CTNND2: variants seen among roughly 807,000 people sequenced by gnomAD.
CTNND2 encodes catenin delta-2.
A neutral mutation model predicts 144.4 loss-of-function variants in CTNND2; 22 were observed. The observed-to-expected ratio is 0.15, with a 90% CI of 0.11 to 0.22. CTNND2 has a LOEUF of 0.22. CTNND2 is among the 10% of genes least tolerant of loss of function. CTNND2 has a pLI of 1.00. For synonymous variants in CTNND2, 751 were observed against 695.6 expected (o/e 1.08, Z -1.25); for missense variants, 1,353 against 1,618.8 (o/e 0.84, Z 2.82).
chr5:11,303,295 C>CT (rs1749805488), intron 9 of CTNND2, among the ~76,000 whole-genome samples: 1 of 152,196 alleles, frequency 6.6e-6, no homozygotes, highest in Admixed American at 6.5e-5. Context: ...TTATTCATTT[C>CT]TGTCAGTACA....
At chr5:11,162,658 A>T (rs1258261487) in intron 11 of CTNND2, among the ~76,000 whole-genome samples, 1 of 151,926 alleles carries the variant, frequency 6.6e-6, no homozygotes, top group Non-Finnish European at 1.5e-5. Context: ...TCACCTCTTG[A>T]TGAAGTCTTG....
chr5:10,973,118 T>C lies in CTNND2; in HGVS notation c.*335A>G, dbSNP rs969217059. ...CTATTCTGTGTCTTGTGCTTAACGA[T>C]AACCCTTACGCCCCACCGGCCCGAA... On this transcript the variant is annotated 3_prime_UTR_variant, in exon 22 of 22. Coordinates refer to ENST00000304623, the MANE Select transcript of CTNND2 (RefSeq NM_001332.4). This position sits in a 1 kb window ranked among gnomAD's most constrained non-coding sequence, Gnocchi z 5.6. The C allele has an allele frequency of 4.9e-6, 1 of 204,964 alleles. No homozygotes were observed. Among genetic ancestry groups the C allele is most frequent in the African/African-American group, 2.3e-5 (1 of 43,402 alleles). The allele number at this position is 204,964 out of a possible 1,614,324, so 12.7% of individuals were successfully genotyped here.
At chr5:11,495,675 C>G (rs572796426) in intron 3 of CTNND2, among the ~76,000 whole-genome samples, 2 of 152,160 alleles carry the variant, frequency 1.3e-5, no homozygotes, top group East Asian at 1.9e-4. Flanking sequence ...CTTCCATCAA[C>G]GACTCTTCTT....
chr5:11,751,784 C>T lies in CTNND2; in HGVS notation c.38-19512G>A, dbSNP rs115754489. Among the ~76,000 whole-genome samples, 601 of 151,956 alleles carry T rather than the reference C, an allele frequency of 4.0e-3. 4 individuals are homozygous for T. Among genetic ancestry groups the T allele is most frequent in the African/African-American group, 0.013 (560 of 41,508 alleles). On this transcript the variant is annotated intron_variant, in intron 1 of 21. Transcript: ENST00000304623. ...TTCTGCTTTAACTTCTTTGGGAAAT[C>T]GCCACACTGCTTACTACAATGGCTG...
At chr5:11,863,390 G>C (rs1795593696) in intron 1 of CTNND2, among the ~76,000 whole-genome samples, 1 of 152,078 alleles carries the variant, frequency 6.6e-6, no homozygotes, top group South Asian at 2.1e-4. Context: ...ATCACACCAG[G>C]ACCTCATGCA....
At chr5:11,887,703 C>T (rs183682096) in intron 1 of CTNND2, among the ~76,000 whole-genome samples, 1 of 152,210 alleles carries the variant, frequency 6.6e-6, no homozygotes, top group African/African-American at 2.4e-5. Context: ...CCCTAAAGTT[C>T]TTTTACTATT....
At position 11,802,427 on chromosome 5, in the gene CTNND2, C is replaced by T. The variant is rs191053849; in HGVS notation, c.38-70155G>A. ...TACTAAAAGTGCAAAATTAGCTGGG[C>T]GTGGTGGCGCATGCCTGTAATCCCA... On this transcript the variant is annotated intron_variant, in intron 1 of 21. Coordinates refer to ENST00000304623, the MANE Select transcript of CTNND2 (RefSeq NM_001332.4). Among the ~76,000 whole-genome samples the T allele has an allele frequency of 6.7e-3, 972 of 145,796 alleles. 18 individuals carry two copies. The highest frequency in any genetic ancestry group is 0.023 in the African/African-American group (919 of 39,210).
intron 3 of CTNND2, among the ~76,000 whole-genome samples, chr5:11,436,423 A>G (rs898348689): frequency 2.0e-5 from 3 of 152,196 alleles, no homozygotes; most frequent in African/African-American, 4.8e-5. Context: ...TACAAATTCA[A>G]TGTGATATTG....
chr5:11,281,303 G>A (rs1026789015), intron 9 of CTNND2, among the ~76,000 whole-genome samples: 3 of 152,122 alleles, frequency 2.0e-5, no homozygotes, highest in African/African-American at 7.2e-5. Context: ...CTACGTTTCT[G>A]GAAATGTTCA....
chr5:11,338,297 T>C (rs545615458), intron 9 of CTNND2, among the ~76,000 whole-genome samples: 1 of 152,296 alleles, frequency 6.6e-6, no homozygotes, highest in African/African-American at 2.4e-5. Flanking sequence ...GAGCCCACTT[T>C]AGAGAACTGG....
chr5:11,517,462 A>G (rs1206888608), intron 3 of CTNND2, among the ~76,000 whole-genome samples: 1 of 152,240 alleles, frequency 6.6e-6, no homozygotes, highest in African/African-American at 2.4e-5. Flanking sequence ...TTGTTAAAGT[A>G]TAATTGAAAA....
chr5:11,234,822 C>T (rs1174873557), intron 10 of CTNND2, among the ~76,000 whole-genome samples: 1 of 152,210 alleles, frequency 6.6e-6, no homozygotes, highest in African/African-American at 2.4e-5. Context: ...CCTCACCCTT[C>T]CTTCCTCTGC....
intron 12 of CTNND2, among the ~76,000 whole-genome samples, chr5:11,139,836 T>C (rs1210823552): frequency 6.6e-6 from 1 of 152,186 alleles, no homozygotes; most frequent in Non-Finnish European, 1.5e-5. Flanking sequence ...AATCAAGGTG[T>C]TGGCTGTGTT....
intron 9 of CTNND2, among the ~76,000 whole-genome samples, chr5:11,255,623 G>A (rs777519413): frequency 2.6e-5 from 4 of 152,126 alleles, no homozygotes; most frequent in Non-Finnish European, 4.4e-5. Flanking sequence ...ATTCTATCTA[G>A]TAGGATGCAG....
At position 11,519,210 on chromosome 5, in the gene CTNND2, T is replaced by C. The variant is rs368478053; in HGVS notation, c.287+45734A>G. ...ATTTTGTAGACTATACACTTGATCA[T>C]TCTTAATAGCAACAATTTACAGCTT... On this transcript the variant is annotated intron_variant, in intron 3 of 21. Coordinates refer to ENST00000304623, the MANE Select transcript of CTNND2 (RefSeq NM_001332.4). Among the ~76,000 whole-genome samples, 4 of 152,334 alleles carry C rather than the reference T, an allele frequency of 2.6e-5. No homozygotes were observed. In the East Asian group the frequency reaches 5.8e-4, roughly 22 times the overall value.
chr5:11,006,448 T>G (rs940548122), intron 18 of CTNND2, among the ~76,000 whole-genome samples: 14 of 151,870 alleles, frequency 9.2e-5, no homozygotes, highest in African/African-American at 3.1e-4. Context: ...GAAGGAGGAG[T>G]CTGGGTCCCG....
intron 8 of CTNND2, among the ~76,000 whole-genome samples, chr5:11,362,565 A>T (rs896244343): frequency 2.6e-5 from 4 of 152,154 alleles, no homozygotes; most frequent in Non-Finnish European, 5.9e-5. Context: ...CACTTCTGGA[A>T]ATTTCCATAG....
intron 1 of CTNND2, among the ~76,000 whole-genome samples, chr5:11,836,856 A>C (rs1794211629): frequency 6.6e-6 from 1 of 152,174 alleles, no homozygotes; most frequent in Non-Finnish European, 1.5e-5. Context: ...TGCTCCTGTT[A>C]TTTCAGGGGG....
chr5:11,156,012 T>C (rs902399017), intron 12 of CTNND2, among the ~76,000 whole-genome samples: 1 of 152,168 alleles, frequency 6.6e-6, no homozygotes, highest in Non-Finnish European at 1.5e-5. Flanking sequence ...GTCTACGACC[T>C]GGAGGTGGTA....
Sources: allele counts gnomAD v4.1 joint callset (sites outside exome capture counted in the v4.1 genomes callset), GRCh38; gene constraint gnomAD v4.1.1; non-coding constraint Gnocchi (gnomAD v3.1); transcripts MANE v1.5; gene names NCBI Gene and HGNC (gene_info 2026-07-23, HGNC 2026-07-21).